The following CEP63 variants were observed in gnomAD, a reference collection of about 807,000 sequenced individuals.
CEP63 encodes centrosomal protein of 63 kDa.
CEP63 carries 84 observed loss-of-function variants against 89.1 expected under a neutral mutation model. That is an observed-to-expected ratio of 0.94 (90% CI 0.79 to 1.13). The LOEUF (loss-of-function observed/expected upper bound fraction) is 1.13. CEP63 is among the 50% of genes most tolerant of loss of function. CEP63 has a pLI of 0.00. For missense variants in CEP63, 838 were observed against 813.3 expected (o/e 1.03, Z -0.37); for synonymous variants, 267 against 272.5 (o/e 0.98, Z 0.20).
chr3:134,586,899 C>T (rs949127791), intron 10 of CEP63, among the ~76,000 whole-genome samples: 4 of 152,138 alleles, frequency 2.6e-5, no homozygotes, highest in African/African-American at 9.7e-5. Context: ...TCTTTTTACT[C>T]TTTTTTCTCT....
the CEP63 span, among the ~76,000 whole-genome samples, chr3:134,732,959 T>C: frequency 1.3e-5 from 2 of 152,156 alleles, no homozygotes; most frequent in African/African-American, 4.8e-5. Flanking sequence ...TAAACAAGTA[T>C]TGTCATTTCT....
the CEP63 span, among the ~76,000 whole-genome samples, chr3:134,669,218 G>T: frequency 6.6e-6 from 1 of 152,088 alleles, no homozygotes; most frequent in Non-Finnish European, 1.5e-5. Context: ...TTTGTAGAGA[G>T]AGGGTTTTGC....
At chr3:134,622,696 T>A in the CEP63 span, among the ~76,000 whole-genome samples, 1 of 152,104 alleles carries the variant, frequency 6.6e-6, no homozygotes, top group Non-Finnish European at 1.5e-5. Context: ...TATTTTATGA[T>A]AAAAAAAGAA....
chr3:134,772,357 T>C, the CEP63 span, among the ~76,000 whole-genome samples: 1 of 152,218 alleles, frequency 6.6e-6, no homozygotes, highest in African/African-American at 2.4e-5. Flanking sequence ...GATTGATTTC[T>C]GTTAGCCGGC....
At chr3:134,531,963 T>G (rs749726146) in intron 4 of CEP63, 23 bp downstream of exon 4, 1 of 1,518,454 alleles carries the variant, frequency 6.6e-7, no homozygotes, top group South Asian at 1.1e-5. Context: ...TTTTGTTAAA[T>G]GTTGTGTGTG....
the CEP63 span, among the ~76,000 whole-genome samples, chr3:134,609,309 G>A: frequency 2.0e-5 from 3 of 152,200 alleles, no homozygotes; most frequent in Admixed American, 6.5e-5. Context: ...CTCTCTGGAT[G>A]TCAGTAATGG....
Position 134,562,063 on chromosome 3 carries a change from A to AG in CEP63, c.*536dup, listed in dbSNP as rs34972057. ...TGTAAAGTCAGGCTGGTAGTGAATA[A>AG]GGGGGGGGTGTGCTAAAGAACCTTA... is the stretch of plus-strand genomic sequence containing the variant. On this transcript the variant is annotated 3_prime_UTR_variant, in exon 15 of 15. Coordinates refer to ENST00000675561, the MANE Select transcript of CEP63 (RefSeq NM_001353108.3). 2.5e-4 allele frequency: 245 copies of AG among 994,606 alleles called. 1 individual carries two copies. The highest frequency in any genetic ancestry group is 9.8e-4 in the East Asian group (9 of 9,146). The allele number at this position is 994,606 out of a possible 1,614,324, so 61.6% of individuals were successfully genotyped here. A position where few individuals can be genotyped will look rare whatever the true frequency, so the allele number is the denominator to read the frequency against.
chr3:134,679,103 A>G, the CEP63 span, among the ~76,000 whole-genome samples: 1 of 152,202 alleles, frequency 6.6e-6, no homozygotes, highest in African/African-American at 2.4e-5. Flanking sequence ...GGAGGATGGT[A>G]GTTTACTCAA....
the CEP63 span, chr3:134,610,648 T>A: frequency 2.5e-6 from 1 of 400,328 alleles, no homozygotes; most frequent in South Asian, 4.9e-5. Context: ...ACCAACACCA[T>A]TCAGATCACT....
At chr3:134,713,055 G>A in the CEP63 span, among the ~76,000 whole-genome samples, 2 of 152,142 alleles carry the variant, frequency 1.3e-5, no homozygotes, top group Admixed American at 6.5e-5. Context: ...CTCAGGACAG[G>A]CATCTGTAAC....
At chr3:134,668,094 T>C in the CEP63 span, among the ~76,000 whole-genome samples, 113 of 152,232 alleles carry the variant, frequency 7.4e-4, 1 homozygote, top group African/African-American at 2.5e-3. Context: ...CCGACCAGCA[T>C]TGGGGTTCTG....
rs776137934 is a variant in CEP63, at chr3:134,531,986, T to C, written c.318+46T>C. ...AATGTTGTGTGTGTAGTTCTCTCTC[T>C]TTCACCCTTGAGAACTTTGTTAATG... is the stretch of plus-strand genomic sequence containing the variant. On this transcript the variant is annotated intron_variant, in intron 4 of 14. Coordinates refer to ENST00000675561, the MANE Select transcript of CEP63 (RefSeq NM_001353108.3). The C allele has an allele frequency of 3.7e-6, 5 of 1,360,020 alleles. 1 individual carries two copies. In the South Asian group the frequency reaches 5.9e-5, roughly 16 times the overall value. 84.2% of individuals were successfully genotyped at this position (1,360,020 alleles called of 1,614,324 possible).
intron 10 of CEP63, among the ~76,000 whole-genome samples, chr3:134,586,410 T>A (rs569252656): frequency 2.6e-5 from 4 of 152,220 alleles, no homozygotes; most frequent in African/African-American, 9.6e-5. Flanking sequence ...TCTCTCAGCA[T>A]TTGCTTGTCT....
intron 2 of CEP63, among the ~76,000 whole-genome samples, chr3:134,496,051 C>T (rs1939794858): frequency 6.6e-6 from 1 of 152,150 alleles, no homozygotes; most frequent in Admixed American, 6.5e-5. Flanking sequence ...ACAAGTATCC[C>T]TTTCACATAC....
intron 8 of CEP63, 25 bp downstream of exon 8, chr3:134,546,313 C>T (rs1953304125): frequency 1.3e-6 from 2 of 1,599,320 alleles, no homozygotes; most frequent in Non-Finnish European, 1.7e-6. Flanking sequence ...AAATATTATT[C>T]ATCTTAGCCA....
intron 13 of CEP63, 54 bp downstream of exon 13, chr3:134,558,401 A>G: frequency 1.0e-5 from 12 of 1,182,266 alleles, no homozygotes; most frequent in Non-Finnish European, 1.2e-5. Context: ...TATAATTCTC[A>G]TTTCTTTGAG....
the CEP63 span, among the ~76,000 whole-genome samples, chr3:134,762,033 G>A: frequency 1.3e-5 from 2 of 152,272 alleles, no homozygotes; most frequent in African/African-American, 4.8e-5. Context: ...GGCAGAATGA[G>A]AGGTAAGAAA....
At chr3:134,546,457 C>T (rs1953344628) in intron 8 of CEP63, among the ~76,000 whole-genome samples, 169 bp downstream of exon 8, 1 of 152,118 alleles carries the variant, frequency 6.6e-6, no homozygotes, top group African/African-American at 2.4e-5. Flanking sequence ...CTCCGAGGTT[C>T]AAGCCATTCT....
At chr3:134,771,323 C>T in the CEP63 span, among the ~76,000 whole-genome samples, 705 of 152,276 alleles carry the variant, frequency 4.6e-3, 7 homozygotes, top group African/African-American at 0.016. Context: ...ATGGATGAAG[C>T]TAGAAACCAT....
Sources: gnomAD v4.1 joint callset for allele counts (sites outside exome capture counted in the v4.1 genomes callset) on GRCh38, gnomAD v4.1.1 for gene constraint, MANE v1.5 for transcripts, NCBI Gene and HGNC (gene_info 2026-07-23, HGNC 2026-07-21) for gene names.